Variants in ARHGAP26 observed in about 807,000 individuals in gnomAD.
ARHGAP26 encodes rho GTPase-activating protein 26.
A neutral mutation model predicts 104.8 loss-of-function variants in ARHGAP26; 38 were observed. The ratio of observed to expected loss-of-function variants is 0.36; its 90% CI spans 0.28 to 0.48. The LOEUF (loss-of-function observed/expected upper bound fraction) is 0.48, where lower values mean the gene tolerates loss of function less well. Ranked by LOEUF, ARHGAP26 falls within the 20% of genes least tolerant of loss-of-function variation. ARHGAP26 has a pLI of 0.99. For missense variants in ARHGAP26, 704 were observed against 947.9 expected (o/e 0.74, Z 3.38); for synonymous variants, 341 against 340.0 (o/e 1.00, Z -0.03).
intron 3 of ARHGAP26, 117 bp downstream of exon 3, chr5:142,875,288 C>T (rs1755925433): frequency 4.9e-6 from 5 of 1,018,736 alleles, no homozygotes; most frequent in East Asian, 2.4e-5. Context: ...ATGTTTTGAG[C>T]TCTTCAGCAA....
chr5:143,057,781 ACC>A (rs763142872), intron 17 of ARHGAP26, 34 bp downstream of exon 17: 25 of 1,561,314 alleles, frequency 1.6e-5, no homozygotes, highest in Non-Finnish European at 2.2e-5. Context: ...CCTTTTTCTT[ACC>A]CCTGAAAGTT....
intron 11 of ARHGAP26, among the ~76,000 whole-genome samples, chr5:142,982,469 C>T (rs907629662): frequency 9.9e-5 from 15 of 152,140 alleles, no homozygotes; most frequent in Non-Finnish European, 2.1e-4. Flanking sequence ...ACTGTTTGGA[C>T]TTTACTAAAC....
chr5:143,114,996 C>G (rs1421523584), intron 17 of ARHGAP26, among the ~76,000 whole-genome samples: 2 of 152,018 alleles, frequency 1.3e-5, no homozygotes, highest in Admixed American at 6.6e-5. Flanking sequence ...ATGTGAGGCT[C>G]TCAGCCTGTT....
At chr5:142,994,932 T>G (rs1776176079) in intron 11 of ARHGAP26, among the ~76,000 whole-genome samples, 8 of 152,204 alleles carry the variant, frequency 5.3e-5, no homozygotes, top group Admixed American at 5.2e-4. Context: ...GGGGGAAGGA[T>G]TCCCTATTTA....
At chr5:143,221,211 A>G (rs745416739) in intron 22 of ARHGAP26, among the ~76,000 whole-genome samples, 20 of 152,234 alleles carry the variant, frequency 1.3e-4, no homozygotes, top group South Asian at 2.1e-4. Flanking sequence ...TAATATCACA[A>G]TGGTTTCCAT....
At chr5:142,934,485 A>G (rs1051403564) in intron 11 of ARHGAP26, among the ~76,000 whole-genome samples, 2 of 152,260 alleles carry the variant, frequency 1.3e-5, no homozygotes, top group Non-Finnish European at 2.9e-5. Context: ...TGTAATTGAC[A>G]GTAATACTAG....
intron 17 of ARHGAP26, among the ~76,000 whole-genome samples, chr5:143,093,335 T>C (rs1460698769): frequency 6.6e-6 from 1 of 152,166 alleles, no homozygotes; most frequent in Non-Finnish European, 1.5e-5. Flanking sequence ...GGCTACTGGT[T>C]GTCAGTGGCC....
intron 19 of ARHGAP26, among the ~76,000 whole-genome samples, chr5:143,138,558 G>T (rs1798155808): frequency 6.6e-6 from 1 of 152,186 alleles, no homozygotes; most frequent in Non-Finnish European, 1.5e-5. Context: ...TCCCATTCTG[G>T]CCCAATAGAT....
At chr5:142,805,144 C>A (rs1020492150) in intron 1 of ARHGAP26, among the ~76,000 whole-genome samples, 18 of 149,500 alleles carry the variant, frequency 1.2e-4, no homozygotes, top group African/African-American at 4.2e-4. Context: ...ACCCTTTTCG[C>A]CAGGCTGGAG....
chr5:143,170,905 G>A (rs987332933), intron 20 of ARHGAP26, among the ~76,000 whole-genome samples: 2 of 152,104 alleles, frequency 1.3e-5, no homozygotes, highest in Non-Finnish European at 2.9e-5. Context: ...TCCATTCTCT[G>A]GTATCGTTCA....
rs144855854 is a variant in ARHGAP26, at chr5:143,069,987, C to A, written c.1538+12240C>A. Among the ~76,000 whole-genome samples the A allele has an allele frequency of 3.3e-3, 497 of 152,280 alleles. 2 individuals carry two copies. Among genetic ancestry groups the A allele is most frequent in the African/African-American group, 0.011 (477 of 41,550 alleles). On this transcript the variant is annotated intron_variant, in intron 17 of 22. Transcript: ENST00000645722. Reference sequence around the variant, plus strand: ...CCCTTCACAGCATGTCTTCAGATGTCCCCTGGGCCCAGAATTGTCTCCAGT... The same window carrying A: ...CCCTTCACAGCATGTCTTCAGATGTACCCTGGGCCCAGAATTGTCTCCAGT...
chr5:143,163,064 G>A (rs1801463396), intron 20 of ARHGAP26, among the ~76,000 whole-genome samples: 2 of 152,146 alleles, frequency 1.3e-5, no homozygotes, highest in Non-Finnish European at 2.9e-5. Flanking sequence ...GCCATGAGCT[G>A]TGATTGCACC....
chr5:142,908,468 G>A (rs976607088), intron 9 of ARHGAP26, among the ~76,000 whole-genome samples: 1 of 152,054 alleles, frequency 6.6e-6, no homozygotes, highest in Non-Finnish European at 1.5e-5. Context: ...CCAGGGCCTC[G>A]CCATTTGGTC....
At chr5:142,860,313 C>T (rs1176925390) in intron 1 of ARHGAP26, 1 of 152,274 alleles carries the variant, frequency 6.6e-6, no homozygotes, top group Non-Finnish European at 1.5e-5. Context: ...ACCTTAGGCA[C>T]TTGGAATTTT....
At chr5:142,868,424 A>G (rs1754709384) in intron 1 of ARHGAP26, among the ~76,000 whole-genome samples, 1 of 152,146 alleles carries the variant, frequency 6.6e-6, no homozygotes, top group Non-Finnish European at 1.5e-5. Flanking sequence ...TATTGACACA[A>G]CTGGGTGGAG....
At chr5:142,966,540 G>T (rs1228116628) in intron 11 of ARHGAP26, among the ~76,000 whole-genome samples, 3 of 152,062 alleles carry the variant, frequency 2.0e-5, no homozygotes, top group Non-Finnish European at 4.4e-5. Context: ...AGTGTTGATT[G>T]TAGGTGCATT....
intron 20 of ARHGAP26, among the ~76,000 whole-genome samples, chr5:143,149,673 G>A (rs780388029): frequency 2.0e-5 from 3 of 152,192 alleles, no homozygotes; most frequent in Non-Finnish European, 2.9e-5. Flanking sequence ...TTGGGTCTCA[G>A]CCTCAGGTGT....
At chr5:142,771,253 G>A in intron 1 of ARHGAP26, 1 of 1,252,836 alleles carries the variant, frequency 8.0e-7, no homozygotes, top group East Asian at 3.1e-5. Context: ...CGCAGCCAGC[G>A]GGCAGATCCC....
intron 11 of ARHGAP26, among the ~76,000 whole-genome samples, chr5:142,965,719 T>A (rs1243086986): frequency 6.6e-6 from 1 of 152,268 alleles, no homozygotes; most frequent in South Asian, 2.1e-4. Context: ...TTTATTATAC[T>A]GGAACAGCTC....
Sources: allele counts gnomAD v4.1 joint callset (sites outside exome capture counted in the v4.1 genomes callset), GRCh38; gene constraint gnomAD v4.1.1; transcripts MANE v1.5; gene names NCBI Gene and HGNC (gene_info 2026-07-23, HGNC 2026-07-21).